CADPS2: variants seen among roughly 807,000 people sequenced by gnomAD.
CADPS2 encodes calcium-dependent secretion activator 2.
A neutral mutation model predicts 172.5 loss-of-function variants in CADPS2; 93 were observed. The ratio of observed to expected loss-of-function variants is 0.54; its 90% CI spans 0.46 to 0.64. CADPS2 has a LOEUF of 0.64. CADPS2 is among the 30% of genes least tolerant of loss of function. CADPS2 has a pLI of 0.00. For missense variants in CADPS2, 1,420 were observed against 1,565.9 expected (o/e 0.91, Z 1.57); for synonymous variants, 546 against 555.2 (o/e 0.98, Z 0.23).
intron 3 of CADPS2, among the ~76,000 whole-genome samples, chr7:122,649,962 T>C (rs112210315): frequency 7.5e-6 from 1 of 132,636 alleles, no homozygotes; most frequent in South Asian, 2.7e-4. Context: ...CAGGCTGGAG[T>C]GCAGTGGTGT....
intron 8 of CADPS2, among the ~76,000 whole-genome samples, chr7:122,550,807 G>A (rs1411438793): frequency 1.3e-5 from 2 of 151,988 alleles, no homozygotes; most frequent in Non-Finnish European, 2.9e-5. Flanking sequence ...TCAAAAGCTG[G>A]ATGTGAATCA....
chr7:122,709,746 C>T (rs1271227365), intron 2 of CADPS2, among the ~76,000 whole-genome samples: 8 of 151,942 alleles, frequency 5.3e-5, no homozygotes, highest in East Asian at 1.9e-4. Context: ...GATGAGTTCA[C>T]GTCCTTTGTA....
rs367547405 is a variant in CADPS2 at position 122,416,133 on chromosome 7, C to A, written c.2508G>T (p.Lys836Asn). 2.6e-6 allele frequency: 4 copies of A among 1,551,048 alleles called. No individual in the cohort carries two copies. The highest frequency in any genetic ancestry group is 3.5e-6 in the Non-Finnish European group (4 of 1,143,386). Residue 836 changes from lysine (K) to asparagine (N), a missense_variant, in exon 18 of 30, where the codon AAG (lysine) becomes AAT (asparagine). Lys to Asn is a moderately conservative substitution (Grantham distance 94). Transcript: ENST00000449022. ...ETMNQASPARKLEEILHLAEL... is the reference protein window; with the variant it reads ...ETMNQASPARNLEEILHLAEL... Reference sequence around the variant, plus strand: ...CTGCCAGATGAAGAATCTCTTCCAGCTTTCTAGCAGGAGATGCCTGGTTCA... The same window carrying A: ...CTGCCAGATGAAGAATCTCTTCCAGATTTCTAGCAGGAGATGCCTGGTTCA...
At chr7:122,637,092 C>A (rs1452850363) in intron 3 of CADPS2, among the ~76,000 whole-genome samples, 1 of 145,434 alleles carries the variant, frequency 6.9e-6, no homozygotes, top group African/African-American at 2.6e-5. Flanking sequence ...ACTTGAAGAA[C>A]TTGTCTTTAA....
At chr7:122,501,874 C>CAAAAAAAAAA (rs1173009562) in intron 9 of CADPS2, among the ~76,000 whole-genome samples, 1 of 42,168 alleles carries the variant, frequency 2.4e-5, no homozygotes, top group African/African-American at 8.6e-5. Flanking sequence ...GACTCCGTCT[C>CAAAAAAAAAA]AAAAAAAAAA....
At chr7:122,364,414 A>T (rs1418845151) in intron 25 of CADPS2, among the ~76,000 whole-genome samples, 34 of 43,424 alleles carry the variant, frequency 7.8e-4, no homozygotes, top group African/African-American at 3.1e-3. Flanking sequence ...GTCTCAAGTT[A>T]AAAAAAAAAA....
At chr7:122,636,869 ATT>A (rs1163174437) in intron 3 of CADPS2, among the ~76,000 whole-genome samples, 1 of 151,882 alleles carries the variant, frequency 6.6e-6, no homozygotes, top group Non-Finnish European at 1.5e-5. Context: ...AATTCTCTGT[ATT>A]TCTTAAATTT....
intron 1 of CADPS2, among the ~76,000 whole-genome samples, chr7:122,852,296 A>G (rs569523847): frequency 1.6e-4 from 24 of 152,344 alleles, no homozygotes; most frequent in African/African-American, 5.1e-4. Context: ...TGTTCATTCA[A>G]CTACAACATG....
At chr7:122,617,993 G>A (rs868837038) in intron 5 of CADPS2, among the ~76,000 whole-genome samples, 8 of 150,784 alleles carry the variant, frequency 5.3e-5, no homozygotes, top group South Asian at 4.2e-4. Context: ...GCAGTGAGCC[G>A]AGATCGTGCC....
intron 1 of CADPS2, among the ~76,000 whole-genome samples, chr7:122,819,448 C>T (rs958301420): frequency 1.3e-5 from 2 of 152,086 alleles, no homozygotes; most frequent in African/African-American, 2.4e-5. Flanking sequence ...CGCCAAGCTT[C>T]GGGTAACTCT....
chr7:122,512,547 G>A (rs899784544), intron 9 of CADPS2, among the ~76,000 whole-genome samples: 1 of 152,036 alleles, frequency 6.6e-6, no homozygotes, highest in African/African-American at 2.4e-5. Flanking sequence ...TGCATGTTCT[G>A]ATAATATATG....
chr7:122,471,641 C>T, intron 13 of CADPS2, 79 bp from the exon 14 acceptor site: 1 of 1,170,706 alleles, frequency 8.5e-7, no homozygotes, highest in South Asian at 1.7e-5. Flanking sequence ...CACTTTTAGG[C>T]CTTATAAGCA....
chr7:122,818,689 G>A (rs937564782), intron 1 of CADPS2, among the ~76,000 whole-genome samples: 16 of 151,992 alleles, frequency 1.1e-4, no homozygotes, highest in Non-Finnish European at 2.2e-4. Flanking sequence ...CCTCACACCT[G>A]GTCCAGCTTA....
intron 1 of CADPS2, among the ~76,000 whole-genome samples, chr7:122,873,253 T>C (rs1820269120): frequency 6.6e-6 from 1 of 152,182 alleles, no homozygotes; most frequent in Non-Finnish European, 1.5e-5. Context: ...GGCATACACA[T>C]GCCATAGTGG....
intron 8 of CADPS2, among the ~76,000 whole-genome samples, chr7:122,531,451 G>A (rs2061745067): frequency 6.6e-6 from 1 of 152,174 alleles, no homozygotes; most frequent in Non-Finnish European, 1.5e-5. Flanking sequence ...AAGGGCAACA[G>A]TATTCTCTTT....
At chr7:122,695,950 G>C (rs1157495235) in intron 2 of CADPS2, among the ~76,000 whole-genome samples, 1 of 151,426 alleles carries the variant, frequency 6.6e-6, no homozygotes, top group Admixed American at 6.6e-5. Context: ...AGATGTCATG[G>C]AACAAGTACC....
intron 14 of CADPS2, among the ~76,000 whole-genome samples, chr7:122,457,513 G>C (rs1194615900): frequency 6.6e-6 from 1 of 152,130 alleles, no homozygotes; most frequent in Non-Finnish European, 1.5e-5. Context: ...CAAATATTTT[G>C]TAAACAATGC....
chr7:122,653,168 C>T (rs1247603567), intron 3 of CADPS2, among the ~76,000 whole-genome samples: 1 of 152,292 alleles, frequency 6.6e-6, no homozygotes, highest in Non-Finnish European at 1.5e-5. Flanking sequence ...CTGCACATTT[C>T]ACCAGAACAG....
chr7:122,537,565 AC>A (rs1221268710), intron 8 of CADPS2, among the ~76,000 whole-genome samples: 22 of 151,854 alleles, frequency 1.4e-4, no homozygotes, highest in African/African-American at 5.1e-4. Flanking sequence ...ACAAATAAAA[AC>A]AAAAACAAAA....
Sources: allele counts gnomAD v4.1 joint callset (sites outside exome capture counted in the v4.1 genomes callset), GRCh38; gene constraint gnomAD v4.1.1; transcripts MANE v1.5; gene names NCBI Gene and HGNC (gene_info 2026-07-23, HGNC 2026-07-21).